Variants in ASPRV1 observed in about 807,000 individuals in gnomAD.
ASPRV1 encodes the protein retroviral-like aspartic protease 1.
In ASPRV1, 7 loss-of-function variants were observed where a neutral mutation model predicts 11.0. The ratio of observed to expected loss-of-function variants is 0.64; its 90% CI spans 0.36 to 1.20. The LOEUF is 1.20. ASPRV1 is among the 50% of genes most tolerant of loss of function. The pLI is 0.02. For synonymous variants in ASPRV1, 136 were observed against 138.4 expected (o/e 0.98, Z 0.12); for missense variants, 299 against 320.0 (o/e 0.93, Z 0.50).
At chr2:69,975,103 G>A in the ASPRV1 span, among the ~76,000 whole-genome samples, 1 of 152,332 alleles carries the variant, frequency 6.6e-6, no homozygotes, top group East Asian at 1.9e-4. Context: ...GCAGGAGGAA[G>A]GAGGATCAGC....
the ASPRV1 span, among the ~76,000 whole-genome samples, chr2:70,074,692 T>G: frequency 6.6e-6 from 1 of 151,914 alleles, no homozygotes; most frequent in Admixed American, 6.6e-5. Context: ...CCTAGTCCAG[T>G]GGTCAAAATC....
the ASPRV1 span, among the ~76,000 whole-genome samples, chr2:70,023,096 C>T: frequency 3.2e-3 from 488 of 152,262 alleles, 19 homozygotes; most frequent in East Asian, 0.079. Context: ...GAATAAGATC[C>T]ACTCTTTCTT....
chr2:70,057,636 G>A, the ASPRV1 span, among the ~76,000 whole-genome samples: 33 of 151,622 alleles, frequency 2.2e-4, 1 homozygote, highest in South Asian at 6.3e-4. Context: ...GCACCACCAC[G>A]CCCAGCTAAT....
the ASPRV1 span, among the ~76,000 whole-genome samples, chr2:70,058,656 G>A: frequency 2.0e-5 from 3 of 150,340 alleles, no homozygotes; most frequent in East Asian, 2.0e-4. Flanking sequence ...AGGTTCAGGC[G>A]ATTCTCCTGC....
the ASPRV1 span, among the ~76,000 whole-genome samples, chr2:70,045,092 T>C: frequency 2.0e-5 from 3 of 152,188 alleles, no homozygotes; most frequent in African/African-American, 4.8e-5. Context: ...ATAAACAGAA[T>C]GTTCTGGCTA....
the ASPRV1 span, among the ~76,000 whole-genome samples, chr2:69,936,254 C>T: frequency 6.6e-6 from 1 of 152,136 alleles, no homozygotes; most frequent in Admixed American, 6.5e-5. Context: ...CTGGGTATCT[C>T]TTAGCCCTGT....
chr2:69,957,558 G>T (rs559167491), downstream of ASPRV1, among the ~76,000 whole-genome samples: 1 of 151,588 alleles, frequency 6.6e-6, no homozygotes, highest in African/African-American at 2.4e-5. Context: ...GTATTAGAAT[G>T]TTCTAGGCCA....
chr2:70,070,173 C>A, the ASPRV1 span: 35,535 of 122,812 alleles, frequency 0.29, 5,228 homozygotes, highest in East Asian at 0.35. Flanking sequence ...GAGCAAGACT[C>A]CATCTCAAAA....
chr2:70,055,507 C>CCT, the ASPRV1 span: 6 of 152,172 alleles, frequency 3.9e-5, no homozygotes, highest in African/African-American at 1.4e-4. Context: ...CTGGAATCAT[C>CCT]CTCAGCAAAC....
the ASPRV1 span, among the ~76,000 whole-genome samples, chr2:70,047,016 A>AATTCTT: frequency 1.3e-5 from 2 of 152,314 alleles, no homozygotes; most frequent in East Asian, 1.9e-4. Context: ...CTATTAAACA[A>AATTCTT]ATTCTTAATC....
chr2:70,038,467 C>T, the ASPRV1 span, among the ~76,000 whole-genome samples: 258 of 152,174 alleles, frequency 1.7e-3, no homozygotes, highest in African/African-American at 5.9e-3. Flanking sequence ...TAAGTGCTAG[C>T]TACTCAGGAG....
chr2:69,937,203 T>G, the ASPRV1 span: 4 of 1,611,028 alleles, frequency 2.5e-6, no homozygotes, highest in Non-Finnish European at 3.4e-6. Flanking sequence ...GATCTCCCTG[T>G]GGGGCCCAAC....
Position 69,961,307 on chromosome 2 carries a change from G to T in ASPRV1, c.130C>A (p.His44Asn), listed in dbSNP as rs1259197049. Reference protein sequence around the residue: ...HSFEVINDLNHWDHITKLRFL... With the variant: ...HSFEVINDLNNWDHITKLRFL... Reference sequence around the variant, plus strand: ...CTTAGCTTGGTGATATGGTCCCAATGGTTGAGGTCATTGATGACTTCAAAG... The same window carrying T: ...CTTAGCTTGGTGATATGGTCCCAATTGTTGAGGTCATTGATGACTTCAAAG... The change falls in exon 1 of 1, where the codon CAT becomes AAT. Residue 44 changes from histidine (H) to asparagine (N), a missense_variant. Coordinates refer to ENST00000320256, the MANE Select transcript of ASPRV1 (RefSeq NM_152792.4). The T allele has an allele frequency of 6.2e-7, 1 of 1,613,974 alleles. No individual in the cohort carries two copies. The highest frequency in any genetic ancestry group is 8.5e-7 in the Non-Finnish European group (1 of 1,180,034).
At chr2:70,083,979 T>C in the ASPRV1 span, among the ~76,000 whole-genome samples, 2 of 152,078 alleles carry the variant, frequency 1.3e-5, no homozygotes, top group African/African-American at 4.8e-5. Context: ...TCACCCAAGG[T>C]GTCTGTATGA....
chr2:70,039,007 A>G, the ASPRV1 span, among the ~76,000 whole-genome samples: 1 of 150,928 alleles, frequency 6.6e-6, no homozygotes, highest in Non-Finnish European at 1.5e-5. Context: ...TGAACGTGGG[A>G]GGCAAAGGTT....
At chr2:69,953,613 G>T in the ASPRV1 span, among the ~76,000 whole-genome samples, 1 of 152,154 alleles carries the variant, frequency 6.6e-6, no homozygotes, top group Non-Finnish European at 1.5e-5. Flanking sequence ...CCCAATCCAG[G>T]GTAAAAAGAG....
chr2:70,056,001 T>G, the ASPRV1 span: 1 of 152,236 alleles, frequency 6.6e-6, no homozygotes, highest in African/African-American at 2.4e-5. Flanking sequence ...AATGGATTAT[T>G]ATTCAACCTT....
At chr2:70,085,893 T>TGCTA in the ASPRV1 span, 2 of 152,254 alleles carry the variant, frequency 1.3e-5, no homozygotes, top group African/African-American at 2.4e-5. Context: ...CAACAGCCCA[T>TGCTA]GCTAGGAAGT....
At chr2:70,082,441 T>C in the ASPRV1 span, among the ~76,000 whole-genome samples, 1 of 152,020 alleles carries the variant, frequency 6.6e-6, no homozygotes. Flanking sequence ...CCGGGTGCGG[T>C]GGCTCACACC....
Sources: allele counts gnomAD v4.1 joint callset (sites outside exome capture counted in the v4.1 genomes callset), GRCh38; gene constraint gnomAD v4.1.1; transcripts MANE v1.5; gene names NCBI Gene and HGNC (gene_info 2026-07-23, HGNC 2026-07-21).